Variants in WFDC8 observed in about 807,000 individuals in gnomAD.
WFDC8 encodes the protein WAP four-disulfide core domain 8.
WFDC8 carries 24 observed loss-of-function variants against 27.0 expected under a neutral mutation model. That is an observed-to-expected ratio of 0.89 (90% confidence interval 0.64 to 1.25). WFDC8 has a LOEUF of 1.25. Ranked by LOEUF, WFDC8 falls within the 50% of genes most tolerant of loss-of-function variation. The pLI is 0.00. For synonymous variants in WFDC8, 106 were observed against 99.7 expected (o/e 1.06, Z -0.38); for missense variants, 287 against 295.9 (o/e 0.97, Z 0.22).
chr20:45,564,690 A>T (rs577164100), intron 1 of WFDC8, among the ~76,000 whole-genome samples: 1 of 147,944 alleles, frequency 6.8e-6, no homozygotes, highest in African/African-American at 2.6e-5. Context: ...AAAAAAAAAA[A>T]ACTTAGCCCA....
chr20:45,552,259 A>G, intron 5 of WFDC8, 94 bp from the exon 6 acceptor site: 1 of 1,479,836 alleles, frequency 6.8e-7, no homozygotes, highest in South Asian at 1.3e-5. Context: ...ACAAGGTTTT[A>G]TTCTGATTAA....
At chr20:45,554,957 T>C (rs1205190044) in intron 4 of WFDC8, among the ~76,000 whole-genome samples, 1 of 152,206 alleles carries the variant, frequency 6.6e-6, no homozygotes, top group East Asian at 1.9e-4. Context: ...AATCACACAG[T>C]TGTGAAGATC....
At position 45,555,843 on chromosome 20, in the gene WFDC8, A is replaced by G. The variant is rs749286144; in HGVS notation, c.303T>C (p.His101=). The change falls in exon 4 of 6, where the codon CAT becomes CAC. Residue 101 remains histidine, a synonymous_variant. Coordinates refer to ENST00000289953, the MANE Select transcript of WFDC8 (RefSeq NM_130896.3). Reference sequence around the variant, plus strand: ...GCTGTGCCTCATGATTACAGTTTCCATGCCTCACAGGTAGCATGCAGGGTT... The same window carrying G: ...GCTGTGCCTCATGATTACAGTTTCCGTGCCTCACAGGTAGCATGCAGGGTT... ...FQEPCMLPVR[H]GNCNHEAQRW... 7.4e-6 allele frequency: 12 copies of G among 1,613,940 alleles called. No individual in the cohort carries two copies. In the South Asian group the frequency reaches 9.9e-5, roughly 13 times the overall value.
At chr20:45,554,138 C>A (rs1313719353) in intron 4 of WFDC8, among the ~76,000 whole-genome samples, 3 of 149,180 alleles carry the variant, frequency 2.0e-5, no homozygotes, top group Non-Finnish European at 3.0e-5. Context: ...GGACCATAGG[C>A]ACGTGACACC....
intron 3 of WFDC8, 105 bp downstream of exon 3, chr20:45,558,747 A>G: frequency 7.1e-7 from 1 of 1,412,476 alleles, no homozygotes; most frequent in Non-Finnish European, 9.6e-7. Flanking sequence ...GAATGAGAAG[A>G]GCACAGGCCC....
chr20:45,565,099 A>C (rs940004503), intron 1 of WFDC8, among the ~76,000 whole-genome samples: 1 of 150,068 alleles, frequency 6.7e-6, no homozygotes, highest in Non-Finnish European at 1.5e-5. Context: ...AGGGAGGGAA[A>C]GAAGGAAAGA....
At chr20:45,575,805 C>T (rs1028111784) in intron 1 of WFDC8, among the ~76,000 whole-genome samples, 3 of 151,306 alleles carry the variant, frequency 2.0e-5, no homozygotes, top group Admixed American at 1.3e-4. Flanking sequence ...CCCAGTTAGG[C>T]GCTTGCCCAG....
chr20:45,553,799 G>A (rs1006525586), intron 4 of WFDC8, among the ~76,000 whole-genome samples: 1 of 152,002 alleles, frequency 6.6e-6, no homozygotes, highest in African/African-American at 2.4e-5. Flanking sequence ...CTGCGGAGGT[G>A]GTAAGGTTTT....
chr20:45,552,119 A>C lies in WFDC8; in HGVS notation c.633T>G (p.Ile211Met), dbSNP rs1215071618. The C allele has an allele frequency of 6.2e-7, 1 of 1,613,984 alleles. No individual in the cohort carries two copies. The highest frequency in any genetic ancestry group is 1.3e-5 in the African/African-American group (1 of 74,920). ...CATCCTGCAGGCACTTGGGTTTATC[A>C]ATCTTGGTACATAGCAAGGGCTTGC... is the stretch of plus-strand genomic sequence containing the variant. ...CPRKPLLCTK[I>M]DKPKCLQDEE... Residue 211 changes from isoleucine (I) to methionine (M), a missense_variant, in exon 6 of 6, where the codon ATT (isoleucine) becomes ATG (methionine). Physicochemically the swap from Ile to Met is conservative, Grantham distance 10. Coordinates refer to ENST00000289953, the MANE Select transcript of WFDC8 (RefSeq NM_130896.3).
chr20:45,574,608 A>T (rs990275152), intron 1 of WFDC8, among the ~76,000 whole-genome samples: 3 of 152,208 alleles, frequency 2.0e-5, no homozygotes, highest in African/African-American at 7.2e-5. Flanking sequence ...CAGCCTGGCC[A>T]ACAGGGCAAA....
chr20:45,566,628 A>G (rs563887105), intron 1 of WFDC8, among the ~76,000 whole-genome samples: 2 of 152,182 alleles, frequency 1.3e-5, no homozygotes, highest in African/African-American at 4.8e-5. Flanking sequence ...GCACCACTGC[A>G]CTCCAGCCTG....
intron 1 of WFDC8, among the ~76,000 whole-genome samples, chr20:45,574,321 A>T (rs770513012): frequency 6.6e-6 from 1 of 152,178 alleles, no homozygotes; most frequent in Non-Finnish European, 1.5e-5. Context: ...CTTCCAAAAA[A>T]TTGAAGTGGA....
intron 1 of WFDC8, among the ~76,000 whole-genome samples, chr20:45,574,092 T>C (rs1042549538): frequency 3.3e-5 from 5 of 152,176 alleles, no homozygotes; most frequent in African/African-American, 7.2e-5. Flanking sequence ...AGTTATACAC[T>C]AACAAGTGGA....
intron 1 of WFDC8, among the ~76,000 whole-genome samples, chr20:45,567,348 T>C (rs1980715237): frequency 1.3e-5 from 2 of 152,198 alleles, no homozygotes. Flanking sequence ...CCCACCATTT[T>C]CCAAGACCAA....
chr20:45,552,120 A>G lies in WFDC8; in HGVS notation c.632T>C (p.Ile211Thr). 1 of 1,614,074 alleles carries G rather than the reference A, an allele frequency of 6.2e-7. No individual in the cohort carries two copies. The highest frequency in any genetic ancestry group is 8.5e-7 in the Non-Finnish European group (1 of 1,179,972). Residue 211 changes from isoleucine to threonine, a missense_variant, in exon 6 of 6, where the codon ATT becomes ACT. Coordinates refer to ENST00000289953, the MANE Select transcript of WFDC8 (RefSeq NM_130896.3). ...CPRKPLLCTK[I>T]DKPKCLQDEE... ...ATCCTGCAGGCACTTGGGTTTATCA[A>G]TCTTGGTACATAGCAAGGGCTTGCG...
downstream of WFDC8, chr20:45,551,756 C>T: frequency 6.6e-6 from 2 of 303,908 alleles, no homozygotes; most frequent in East Asian, 1.3e-4. Context: ...AGGAACTAGA[C>T]AAGGATGGAT....
chr20:45,568,941 G>T, intron 1 of WFDC8: 1 of 202,252 alleles, frequency 4.9e-6, no homozygotes, highest in Admixed American at 5.0e-5. Flanking sequence ...TCTGGTTTTG[G>T]CCTTGAAATT....
intron 2 of WFDC8, among the ~76,000 whole-genome samples, chr20:45,560,231 A>C (rs7263748): frequency 0.38 from 58,252 of 151,970 alleles, 11,640 homozygotes; most frequent in Non-Finnish European, 0.43. Context: ...AGTGCCAAGG[A>C]ATAAGGGTGG....
Position 45,552,088 on chromosome 20 carries a change from ACTC to A in WFDC8, c.661_663del (p.Glu221del). The A allele has an allele frequency of 1.9e-6, 3 of 1,614,086 alleles. No individual in the cohort carries two copies. Among genetic ancestry groups the A allele is most frequent in the Non-Finnish European group, 2.5e-6 (3 of 1,179,972 alleles). Reference sequence around the variant, plus strand: ...GAGCAGCACTTTTCCACCAATGGGCACTCCTCATCCTGCAGGCACTTGGGTTTA... The same window carrying A: ...GAGCAGCACTTTTCCACCAATGGGCACTCATCCTGCAGGCACTTGGGTTTA... On this transcript the variant is annotated inframe_deletion, in exon 6 of 6. Transcript: ENST00000289953.
Sources: allele counts gnomAD v4.1 joint callset (sites outside exome capture counted in the v4.1 genomes callset), GRCh38; gene constraint gnomAD v4.1.1; transcripts MANE v1.5; gene names NCBI Gene and HGNC (gene_info 2026-07-23, HGNC 2026-07-21).